The following NPIPB13 variants were observed in gnomAD, a reference collection of about 807,000 sequenced individuals.
NPIPB13 encodes nuclear pore complex-interacting protein family member B13.
intron 2 of NPIPB13, among the ~76,000 whole-genome samples, chr16:30,238,461 C>CTGTCTCAAA (rs2073581915): frequency 1.5e-5 from 1 of 65,416 alleles, no homozygotes; most frequent in Non-Finnish European, 3.1e-5. Context: ...ATCACGAGGT[C>CTGTCTCAAA]AAGAGATGGA....
chr16:30,229,232 C>CAAAAAAAA (rs2073540181), intron 5 of NPIPB13, among the ~76,000 whole-genome samples: 1 of 107,854 alleles, frequency 9.3e-6, no homozygotes. Flanking sequence ...AGATTGAGGG[C>CAAAAAAAA]AGAAAAAGGA....
Sources: gnomAD v4.1 joint callset for allele counts (sites outside exome capture counted in the v4.1 genomes callset) on GRCh38, gnomAD v4.1.1 for gene constraint, MANE v1.5 for transcripts, NCBI Gene and HGNC (gene_info 2026-07-23, HGNC 2026-07-21) for gene names.